AMPD3: variants seen among roughly 807,000 people sequenced by gnomAD.
The protein encoded by AMPD3 is AMP deaminase 3.
In AMPD3, 57 loss-of-function variants were observed where a neutral mutation model predicts 82.3. The ratio of observed to expected loss-of-function variants is 0.69; its 90% CI spans 0.56 to 0.86. AMPD3 has a LOEUF of 0.86. Ranked by LOEUF, AMPD3 falls within the 40% of genes least tolerant of loss-of-function variation. AMPD3 has a pLI of 0.00. For synonymous variants in AMPD3, 381 were observed against 394.7 expected, an observed-to-expected ratio of 0.97 and a Z score of 0.41; for missense variants, 870 against 1,003.8, an observed-to-expected ratio of 0.87 and a Z score of 1.80.
chr11:10,467,401 C>T (rs972534987), intron 2 of AMPD3, among the ~76,000 whole-genome samples: 50 of 151,470 alleles, frequency 3.3e-4, no homozygotes, highest in Admixed American at 2.4e-3. Flanking sequence ...ATCAATCAAA[C>T]GGAAGAAAGG....
Position 10,463,498 on chromosome 11 carries a change from G to A in AMPD3, c.221+1758G>A, listed in dbSNP as rs74416725. ...TCACACTCCGTGGGTGGAACAGAAGGGCTGACTTCATCAAGTGAATGGTCT... is the reference window on the plus strand; with the variant it reads ...TCACACTCCGTGGGTGGAACAGAAGAGCTGACTTCATCAAGTGAATGGTCT... On this transcript the variant is annotated intron_variant, in intron 2 of 14. Coordinates refer to ENST00000396553, the MANE Select transcript of AMPD3 (RefSeq NM_001025389.2). Among the ~76,000 whole-genome samples, 170 of 152,328 alleles carry A rather than the reference G, an allele frequency of 1.1e-3. 2 individuals carry two copies. The highest frequency in any genetic ancestry group is 9.1e-3 in the Admixed American group (139 of 15,310).
At position 10,493,415 on chromosome 11, in the gene AMPD3, A is replaced by G; in HGVS notation, c.1006A>G (p.Thr336Ala). 1.2e-6 allele frequency: 2 copies of G among 1,614,232 alleles called. No individual in the cohort carries two copies. The highest frequency in any genetic ancestry group is 1.7e-6 in the Non-Finnish European group (2 of 1,180,044). Residue 336 changes from threonine to alanine, a missense_variant, in exon 7 of 15, where the codon ACA becomes GCA. Physicochemically the swap from Thr to Ala is moderately conservative, Grantham distance 58. Transcript: ENST00000396553. ...GCATCTGCTGCGCTTCATCAAGCAC[A>G]CATACCAGACGGAGCCTGACAGGAC... ...QKHLLRFIKH[T>A]YQTEPDRTVA...
chr11:10,451,874 A>G (rs1022042358), upstream of AMPD3, among the ~76,000 whole-genome samples: 3 of 152,204 alleles, frequency 2.0e-5, no homozygotes, highest in African/African-American at 7.2e-5. Context: ...GCTGTGCAGC[A>G]CTAAGGCCGA....
Position 10,485,746 on chromosome 11 carries a change from G to T in AMPD3, c.809+707G>T, listed in dbSNP as rs906435871. On this transcript the variant is annotated intron_variant, in intron 5 of 14. Transcript: ENST00000396553. ...TTTCTGGGTTTCTGGAGGGGAGCAT[G>T]CAGGGAGCCTGGGGAACTTTGCTCA... 7.2e-5 allele frequency among the ~76,000 whole-genome samples: 10 copies of T among 139,098 alleles called. No homozygotes were observed. In the South Asian group the frequency reaches 2.1e-3, roughly 30 times the overall value. The allele number at this position is 139,098 out of a possible 152,430, so 91.3% of individuals were successfully genotyped here.
At chr11:10,494,580 G>C in intron 7 of AMPD3, 1 of 985,422 alleles carries the variant, frequency 1.0e-6, no homozygotes, top group Non-Finnish European at 1.2e-6. Context: ...AATGTGAGTA[G>C]TGATAGGGAA....
chr11:10,474,867 G>C (rs544078361), intron 2 of AMPD3, among the ~76,000 whole-genome samples: 24 of 152,140 alleles, frequency 1.6e-4, no homozygotes, highest in Admixed American at 1.6e-3. Flanking sequence ...AAATGCTGGC[G>C]CCCCAGGGGC....
chr11:10,481,298 G>A, intron 3 of AMPD3: 2 of 320,982 alleles, frequency 6.2e-6, no homozygotes, highest in Non-Finnish European at 9.0e-6. Flanking sequence ...TTTGCTTCTT[G>A]TTTTGTTTCG....
Position 10,456,046 on chromosome 11 carries a change from C to G in AMPD3, c.-6+598C>G, listed in dbSNP as rs1591434915. 9.5e-7 allele frequency: 1 copy of G among 1,058,100 alleles called. No individual in the cohort carries two copies. The highest frequency in any genetic ancestry group is 1.1e-6 in the Non-Finnish European group (1 of 876,028). The allele number at this position is 1,058,100 out of a possible 1,614,324, so 65.5% of individuals were successfully genotyped here. A position where few individuals can be genotyped will look rare whatever the true frequency, so the allele number is the denominator to read the frequency against. On this transcript the variant is annotated intron_variant, in intron 1 of 14. Transcript: ENST00000396553. This position sits in a 1 kb window ranked among gnomAD's most constrained non-coding sequence, Gnocchi z 4.3. ...TGAGTTTACTGTTGTAAAGAGGAAGCCGCCGCTTTAGTTTCCTCTTGTGAG... is the reference window on the plus strand; with the variant it reads ...TGAGTTTACTGTTGTAAAGAGGAAGGCGCCGCTTTAGTTTCCTCTTGTGAG...
At position 10,484,560 on chromosome 11, in the gene AMPD3, G is replaced by A. The variant is rs1004774884; in HGVS notation, c.590-260G>A. The stretch of plus-strand genomic sequence containing the variant: ...TGTTCTAGACACTCAGCAGTGAACA[G>A]CACAAATTAAAGTCTCTGCCTGCAT... On this transcript the variant is annotated intron_variant, in intron 4 of 14. Coordinates refer to ENST00000396553, the MANE Select transcript of AMPD3 (RefSeq NM_001025389.2). 4.2e-6 allele frequency: 4 copies of A among 941,240 alleles called. No individual in the cohort carries two copies. In the African/African-American group the frequency reaches 5.3e-5, roughly 13 times the overall value. The allele number at this position is 941,240 out of a possible 1,614,324, so 58.3% of individuals were successfully genotyped here.
In AMPD3 at chr11:10,488,498, G is replaced by A. The variant is rs138339559; in HGVS notation, c.939+1134G>A. The A allele has an allele frequency of 8.7e-4, 768 of 882,206 alleles. 1 individual carries two copies. The highest frequency in any genetic ancestry group is 1.0e-3 in the Non-Finnish European group (750 of 735,914). The allele number at this position is 882,206 out of a possible 1,614,324, so 54.6% of individuals were successfully genotyped here. A position where few individuals can be genotyped will look rare whatever the true frequency, so the allele number is the denominator to read the frequency against. ...GTCGAGAGAGTCAGAACAGTGTGTTGACATAACTGCAAGCAGTGTGGTGTG... is the reference window on the plus strand; with the variant it reads ...GTCGAGAGAGTCAGAACAGTGTGTTAACATAACTGCAAGCAGTGTGGTGTG... On this transcript the variant is annotated intron_variant, in intron 6 of 14. Transcript: ENST00000396553.
At chr11:10,485,091 G>A (rs1225780757) in intron 5 of AMPD3, 52 bp downstream of exon 5, 2 of 1,545,186 alleles carry the variant, frequency 1.3e-6, no homozygotes, top group Admixed American at 1.9e-5. Flanking sequence ...CTGTTCTGTA[G>A]GAAGGAGATG....
chr11:10,488,154 C>T, intron 6 of AMPD3: 2 of 964,032 alleles, frequency 2.1e-6, no homozygotes, highest in Non-Finnish European at 1.2e-6. Context: ...GTCCGGGGCT[C>T]CTGGCAGTCT....
At chr11:10,461,266 T>C (rs963741720) in intron 1 of AMPD3, 1 of 1,429,192 alleles carries the variant, frequency 7.0e-7, no homozygotes, top group Non-Finnish European at 9.2e-7. Context: ...CCCACCTAGT[T>C]GAACAGTTCA....
At chr11:10,489,896 G>A (rs1015270034) in intron 6 of AMPD3, among the ~76,000 whole-genome samples, 7 of 152,110 alleles carry the variant, frequency 4.6e-5, no homozygotes, top group Non-Finnish European at 1.0e-4. Flanking sequence ...GCCCAGGCTG[G>A]CCCCGAACTC....
At chr11:10,482,317 A>G (rs1252173749) in intron 4 of AMPD3, 92 bp downstream of exon 4, 7 of 1,426,320 alleles carry the variant, frequency 4.9e-6, no homozygotes, top group South Asian at 3.9e-5. Flanking sequence ...TTCCCCTGAT[A>G]GTATTTTAAA....
At chr11:10,481,678 G>A (rs1327608152) in intron 3 of AMPD3, 3 of 203,964 alleles carry the variant, frequency 1.5e-5, no homozygotes, top group Non-Finnish European at 1.7e-5. Context: ...AAGCTTCCAA[G>A]GTCCTCTCCC....
chr11:10,505,406 TC>T (rs112533685), intron 14 of AMPD3: 65,051 of 872,578 alleles, frequency 0.075, 3,706 homozygotes, highest in African/African-American at 0.4. Flanking sequence ...CTTACCTCCT[TC>T]CCCTTTGCCT....
At chr11:10,499,895 C>T in intron 10 of AMPD3, 191 bp from the exon 11 acceptor site, 1 of 985,048 alleles carries the variant, frequency 1.0e-6, no homozygotes, top group Non-Finnish European at 1.2e-6. Context: ...AAGGGGCAGA[C>T]CTTGGTGTTG....
In AMPD3 at chr11:10,461,735, A is replaced by G. The variant is rs933555146; in HGVS notation, c.216A>G (p.Ala72=). 1.2e-6 allele frequency: 2 copies of G among 1,608,988 alleles called. No individual in the cohort carries two copies. Among genetic ancestry groups the G allele is most frequent in the African/African-American group, 2.7e-5 (2 of 74,868 alleles). The part of the protein sequence containing the change: ...ELAEQKSVET[A]KRKKSFKMIR... ...CAGAGCAGAAGTCTGTGGAGACCGC[A>G]AAAAGGTTTGTTCCCAAGGCATGGT... Residue 72 remains alanine, a synonymous_variant, in exon 2 of 15, where the codon GCA becomes GCG. Coordinates refer to ENST00000396553, the MANE Select transcript of AMPD3 (RefSeq NM_001025389.2).
Sources: allele counts gnomAD v4.1 joint callset (sites outside exome capture counted in the v4.1 genomes callset), GRCh38; gene constraint gnomAD v4.1.1; non-coding constraint Gnocchi (gnomAD v3.1); transcripts MANE v1.5; gene names NCBI Gene and HGNC (gene_info 2026-07-23, HGNC 2026-07-21).